The following NDST3 variants were observed in gnomAD, a reference collection of about 807,000 sequenced individuals.
The protein encoded by NDST3 is bifunctional heparan sulfate N-deacetylase/N-sulfotransferase 3.
NDST3 carries 58 observed loss-of-function variants against 96.1 expected under a neutral mutation model. That is an observed-to-expected ratio of 0.60 (90% confidence interval 0.49 to 0.75). The LOEUF is 0.75. NDST3 is among the 30% of genes least tolerant of loss of function. The pLI is 0.00. For synonymous variants in NDST3, 333 were observed against 359.7 expected, an observed-to-expected ratio of 0.93 and a Z score of 0.84; for missense variants, 788 against 1,034.2, an observed-to-expected ratio of 0.76 and a Z score of 3.27.
chr4:118,076,883 T>C (rs1248495324), intron 2 of NDST3, among the ~76,000 whole-genome samples: 1 of 152,210 alleles, frequency 6.6e-6, no homozygotes, highest in Non-Finnish European at 1.5e-5. Context: ...TTTTGAGTTA[T>C]CAGAGTTTGT....
At chr4:118,053,471 T>C (rs1725207885) in intron 1 of NDST3, among the ~76,000 whole-genome samples, 1 of 151,988 alleles carries the variant, frequency 6.6e-6, no homozygotes, top group Non-Finnish European at 1.5e-5. Flanking sequence ...CTTTGTTGTA[T>C]AGTATCTACA....
chr4:118,233,451 G>A (rs1740441459), intron 9 of NDST3, among the ~76,000 whole-genome samples: 1 of 151,648 alleles, frequency 6.6e-6, no homozygotes, highest in Non-Finnish European at 1.5e-5. Context: ...TACTCGTAAG[G>A]AAAAAAAATT....
At chr4:118,199,382 A>G (rs1490124267) in intron 6 of NDST3, among the ~76,000 whole-genome samples, 2 of 151,768 alleles carry the variant, frequency 1.3e-5, no homozygotes, top group Non-Finnish European at 2.9e-5. Context: ...GCATTTTTCA[A>G]CTCCAGAATT....
chr4:118,173,023 C>T (rs573546529), intron 6 of NDST3, among the ~76,000 whole-genome samples: 70 of 151,988 alleles, frequency 4.6e-4, no homozygotes, highest in African/African-American at 1.6e-3. Flanking sequence ...AAGAAAGTCC[C>T]CTTGAGAAGG....
chr4:118,178,587 G>A (rs1736412172), intron 6 of NDST3, among the ~76,000 whole-genome samples: 1 of 151,926 alleles, frequency 6.6e-6, no homozygotes, highest in Non-Finnish European at 1.5e-5. Context: ...ATTCATTGAT[G>A]AACACTTAAA....
At chr4:118,122,724 G>C (rs964901688) in intron 4 of NDST3, among the ~76,000 whole-genome samples, 1 of 152,184 alleles carries the variant, frequency 6.6e-6, no homozygotes, top group Non-Finnish European at 1.5e-5. Context: ...GGTTCAGTGA[G>C]AAAGATTCTT....
intron 6 of NDST3, among the ~76,000 whole-genome samples, chr4:118,206,245 T>C (rs1349461159): frequency 1.4e-5 from 2 of 144,692 alleles, no homozygotes; most frequent in Non-Finnish European, 3.1e-5. Context: ...TTGAATTATA[T>C]CTAAACCAAA....
intron 2 of NDST3, among the ~76,000 whole-genome samples, chr4:118,100,121 T>C (rs940297567): frequency 6.6e-6 from 1 of 152,004 alleles, no homozygotes; most frequent in African/African-American, 2.4e-5. Context: ...AGAGATAAGC[T>C]TTTGAATTGG....
intron 4 of NDST3, among the ~76,000 whole-genome samples, chr4:118,131,667 G>C (rs899669435): frequency 5.3e-5 from 8 of 152,108 alleles, no homozygotes; most frequent in African/African-American, 1.9e-4. Context: ...ATGTTCATCT[G>C]TGTCTGGGCA....
At chr4:118,151,413 A>C (rs970183404) in intron 6 of NDST3, among the ~76,000 whole-genome samples, 10 of 152,086 alleles carry the variant, frequency 6.6e-5, no homozygotes, top group Non-Finnish European at 1.3e-4. Flanking sequence ...AAATATTAAA[A>C]AACAACAACA....
intron 6 of NDST3, among the ~76,000 whole-genome samples, chr4:118,172,636 T>C (rs1267130285): frequency 1.3e-5 from 2 of 152,198 alleles, no homozygotes; most frequent in African/African-American, 4.8e-5. Flanking sequence ...CATATTTTTC[T>C]TTCTGCTCTT....
chr4:118,081,602 C>T (rs934273737), intron 2 of NDST3, among the ~76,000 whole-genome samples: 1 of 152,106 alleles, frequency 6.6e-6, no homozygotes, highest in Admixed American at 6.6e-5. Context: ...TTAGCAGCAT[C>T]CAGAGGCAAA....
chr4:118,076,198 A>T (rs1727514769), intron 2 of NDST3, among the ~76,000 whole-genome samples: 1 of 152,096 alleles, frequency 6.6e-6, no homozygotes. Flanking sequence ...TTTGTGGGTG[A>T]CCTGCTCCTT....
At chr4:118,126,017 G>A (rs1175591306) in intron 4 of NDST3, among the ~76,000 whole-genome samples, 3 of 151,948 alleles carry the variant, frequency 2.0e-5, no homozygotes, top group Non-Finnish European at 2.9e-5. Context: ...TCCAGTGATT[G>A]CGGCTACTAC....
chr4:118,199,628 T>C (rs1737931935), intron 6 of NDST3, among the ~76,000 whole-genome samples: 1 of 152,174 alleles, frequency 6.6e-6, no homozygotes, highest in Non-Finnish European at 1.5e-5. Context: ...TAGGTGTTCA[T>C]TTGTGTCTGG....
chr4:118,147,914 T>C (rs1353501187), intron 6 of NDST3, among the ~76,000 whole-genome samples: 1 of 152,178 alleles, frequency 6.6e-6, no homozygotes, highest in East Asian at 1.9e-4. Context: ...CAACTATAGA[T>C]ATAGAACACT....
chr4:118,235,216 T>C (rs770885176), intron 9 of NDST3, among the ~76,000 whole-genome samples: 34 of 152,188 alleles, frequency 2.2e-4, no homozygotes, highest in Non-Finnish European at 3.5e-4. Context: ...CCCTGAATTG[T>C]TAAAACACTC....
At chr4:118,087,059 T>C (rs1728482080) in intron 2 of NDST3, among the ~76,000 whole-genome samples, 1 of 152,100 alleles carries the variant, frequency 6.6e-6, no homozygotes, top group Admixed American at 6.6e-5. Flanking sequence ...TTTTTTTTGT[T>C]TCTAGACAAG....
At chr4:118,175,570 A>T (rs892111612) in intron 6 of NDST3, among the ~76,000 whole-genome samples, 1 of 149,336 alleles carries the variant, frequency 6.7e-6, no homozygotes, top group African/African-American at 2.5e-5. Flanking sequence ...TCACAAGAAG[A>T]TTAAAATGAC....
Sources: gnomAD v4.1 joint callset for allele counts (sites outside exome capture counted in the v4.1 genomes callset) on GRCh38, gnomAD v4.1.1 for gene constraint, MANE v1.5 for transcripts, NCBI Gene and HGNC (gene_info 2026-07-23, HGNC 2026-07-21) for gene names.